The following RTL4 variants were observed in gnomAD, a reference collection of about 807,000 sequenced individuals.
RTL4 encodes the protein retrotransposon Gag like 4.
Under a neutral mutation model 5.3 loss-of-function variants are expected in RTL4, and 4 were observed. That is an observed-to-expected ratio of 0.75 (90% confidence interval 0.37 to 1.72). The LOEUF (loss-of-function observed/expected upper bound fraction) is 1.72, where lower values mean the gene tolerates loss of function less well. RTL4 is among the 40% of genes most tolerant of loss of function. RTL4 has a pLI of 0.04. For synonymous variants in RTL4, 98 were observed against 87.3 expected, an observed-to-expected ratio of 1.12 and a Z score of -0.68; for missense variants, 260 against 227.1, an observed-to-expected ratio of 1.14 and a Z score of -0.93.
At chrX:112,373,265 G>A in the RTL4 span, among the ~76,000 whole-genome samples, 4 of 111,606 alleles carry the variant, frequency 3.6e-5, no homozygotes, top group Non-Finnish European at 5.7e-5. Flanking sequence ...CACCAGTAGT[G>A]TATGAGAGCA....
the RTL4 span, among the ~76,000 whole-genome samples, chrX:112,185,432 T>C: frequency 6.5e-4 from 67 of 103,517 alleles, no homozygotes; most frequent in Non-Finnish European, 1.2e-3. Flanking sequence ...AGTAGATAGA[T>C]AGATGATAGG....
the RTL4 span, among the ~76,000 whole-genome samples, chrX:112,347,810 C>A: frequency 9.0e-6 from 1 of 111,549 alleles, no homozygotes; most frequent in Non-Finnish European, 1.9e-5. Context: ...GTTAGTCCTG[C>A]AGGACTTTTG....
chrX:112,338,485 G>A, the RTL4 span, among the ~76,000 whole-genome samples: 3 of 112,187 alleles, frequency 2.7e-5, no homozygotes, highest in East Asian at 8.4e-4. Context: ...TCAATTTGAG[G>A]TTGATAACTG....
chrX:112,166,634 T>C, the RTL4 span, among the ~76,000 whole-genome samples: 196 of 112,069 alleles, frequency 1.7e-3, 8 homozygotes, highest in East Asian at 0.053. Context: ...AACTGCAGCC[T>C]GTGCTTGAAA....
the RTL4 span, among the ~76,000 whole-genome samples, chrX:112,310,622 AT>A: frequency 1.8e-5 from 1 of 54,205 alleles, no homozygotes; most frequent in Non-Finnish European, 2.9e-5. Flanking sequence ...ATATTTATAT[AT>A]ATTATGTTTA....
At chrX:112,098,548 A>G in the RTL4 span, among the ~76,000 whole-genome samples, 1 of 111,567 alleles carries the variant, frequency 9.0e-6, no homozygotes, top group Non-Finnish European at 1.9e-5. Context: ...GACTTCCACA[A>G]TGGTTGAACT....
At chrX:112,377,924 T>C in the RTL4 span, among the ~76,000 whole-genome samples, 1 of 112,035 alleles carries the variant, frequency 8.9e-6, no homozygotes, top group African/African-American at 3.2e-5. Context: ...TTTTGAGCCA[T>C]AGTAGAAATG....
At chrX:112,138,204 A>T in the RTL4 span, among the ~76,000 whole-genome samples, 54 of 112,397 alleles carry the variant, frequency 4.8e-4, no homozygotes, top group East Asian at 0.012. Context: ...AGTCAAACTC[A>T]TAGAAGCAGA....
the RTL4 span, among the ~76,000 whole-genome samples, chrX:112,388,886 G>A: frequency 9.0e-6 from 1 of 111,337 alleles, no homozygotes; most frequent in Admixed American, 9.5e-5. Context: ...TCTTTGTTTT[G>A]TCTCTGCCTG....
At chrX:112,352,928 C>T in the RTL4 span, among the ~76,000 whole-genome samples, 3 of 111,558 alleles carry the variant, frequency 2.7e-5, no homozygotes, top group Non-Finnish European at 5.7e-5. Context: ...TCGCAATCTA[C>T]TTATCTGCCA....
the RTL4 span, among the ~76,000 whole-genome samples, chrX:112,254,606 T>C: frequency 0.014 from 1,599 of 110,981 alleles, 32 homozygotes; most frequent in African/African-American, 0.049. Context: ...GGATTACAGG[T>C]GTGAGCCACC....
At chrX:112,215,983 C>T in the RTL4 span, among the ~76,000 whole-genome samples, 2 of 111,810 alleles carry the variant, frequency 1.8e-5, no homozygotes, top group African/African-American at 6.5e-5. Context: ...TAGTTGCCAA[C>T]ATATAAAAAT....
the RTL4 span, among the ~76,000 whole-genome samples, chrX:112,251,970 G>A: frequency 3.6e-5 from 4 of 111,405 alleles, no homozygotes; most frequent in East Asian, 2.8e-4. Flanking sequence ...ACTCAAGCAC[G>A]GAAGGTGAGC....
At chrX:112,292,788 T>C in the RTL4 span, among the ~76,000 whole-genome samples, 1 of 111,727 alleles carries the variant, frequency 9.0e-6, no homozygotes, top group South Asian at 3.7e-4. Flanking sequence ...CCAGTGTATG[T>C]GTGTATATAC....
At chrX:112,099,082 T>A in the RTL4 span, among the ~76,000 whole-genome samples, 3 of 111,760 alleles carry the variant, frequency 2.7e-5, no homozygotes, top group East Asian at 8.5e-4. Flanking sequence ...GAAACCACCA[T>A]CAGAGTGAAC....
the RTL4 span, among the ~76,000 whole-genome samples, chrX:112,162,624 G>C: frequency 6.3e-5 from 7 of 111,902 alleles, no homozygotes; most frequent in Non-Finnish European, 1.3e-4. Flanking sequence ...TATGGGGAAG[G>C]ATAAGACTAA....
chrX:112,392,583 G>C, the RTL4 span, among the ~76,000 whole-genome samples: 1 of 110,802 alleles, frequency 9.0e-6, no homozygotes, highest in Admixed American at 9.5e-5. Context: ...TTAAAAACAA[G>C]TTTGGCCACA....
At chrX:112,290,647 T>C in the RTL4 span, among the ~76,000 whole-genome samples, 1 of 112,611 alleles carries the variant, frequency 8.9e-6, no homozygotes, top group South Asian at 3.7e-4. Context: ...ACATACTAAC[T>C]AGCTCAATAA....
the RTL4 span, among the ~76,000 whole-genome samples, chrX:112,416,914 T>C: frequency 9.0e-6 from 1 of 111,591 alleles, no homozygotes; most frequent in Non-Finnish European, 1.9e-5. Flanking sequence ...ACTTTTAAGG[T>C]AGTTATTCAT....
Sources: gnomAD v4.1 joint callset for allele counts (sites outside exome capture counted in the v4.1 genomes callset) on GRCh38, gnomAD v4.1.1 for gene constraint, MANE v1.5 for transcripts, NCBI Gene and HGNC (gene_info 2026-07-23, HGNC 2026-07-21) for gene names.